The following SBNO1 variants were observed in gnomAD, a reference collection of about 807,000 sequenced individuals.
SBNO1 encodes the protein strawberry notch homolog 1.
A neutral mutation model predicts 173.6 loss-of-function variants in SBNO1; 23 were observed. The observed-to-expected ratio is 0.13, with a 90% CI of 0.10 to 0.19. The LOEUF (loss-of-function observed/expected upper bound fraction) is 0.19. SBNO1 is among the 10% of genes least tolerant of loss of function. The pLI is 1.00. For synonymous variants in SBNO1, 632 were observed against 571.5 expected, an observed-to-expected ratio of 1.11 and a Z score of -1.51; for missense variants, 1,238 against 1,671.2, an observed-to-expected ratio of 0.74 and a Z score of 4.52.
chr12:123,326,423 A>C, intron 13 of SBNO1, 89 bp from the exon 14 acceptor site: 1 of 705,050 alleles, frequency 1.4e-6, no homozygotes, highest in Non-Finnish European at 2.2e-6. Flanking sequence ...TGTTAAGTGC[A>C]AGACCATTTA....
intron 23 of SBNO1, among the ~76,000 whole-genome samples, chr12:123,314,145 C>T (rs1360179266): frequency 1.3e-5 from 2 of 151,994 alleles, no homozygotes; most frequent in African/African-American, 4.8e-5. Context: ...AAGCAATTCT[C>T]AATTATCTTT....
chr12:123,338,996 TAAA>T (rs1388742683), intron 5 of SBNO1, among the ~76,000 whole-genome samples: 1 of 147,582 alleles, frequency 6.8e-6, no homozygotes, highest in South Asian at 2.1e-4. Flanking sequence ...GCTAAGCCAA[TAAA>T]AAACTTTTGG....
chr12:123,344,424 G>A (rs557015192), intron 4 of SBNO1, among the ~76,000 whole-genome samples: 1 of 152,308 alleles, frequency 6.6e-6, no homozygotes, highest in South Asian at 2.1e-4. Context: ...ACAGTGGTAT[G>A]GACCCAAACA....
rs145195535 is a variant in SBNO1, at chr12:123,334,014, G to A, written c.909+39C>T. 5.1e-6 allele frequency: 7 copies of A among 1,374,756 alleles called. No individual in the cohort carries two copies. In the East Asian group the frequency reaches 1.3e-4, roughly 26 times the overall value. 85.2% of individuals were successfully genotyped at this position (1,374,756 alleles called of 1,614,324 possible). A position where few individuals can be genotyped will look rare whatever the true frequency, so the allele number is the denominator to read the frequency against. Reference sequence around the variant, plus strand: ...GAAACAACTCTGTTATATAGAATAGGATAAAATAATTATTGTATTATGAAA... The same window carrying A: ...GAAACAACTCTGTTATATAGAATAGAATAAAATAATTATTGTATTATGAAA... On this transcript the variant is annotated intron_variant, in intron 7 of 31. Transcript: ENST00000602398.
chr12:123,302,048 C>T (rs1241264099), intron 30 of SBNO1, among the ~76,000 whole-genome samples: 3 of 151,560 alleles, frequency 2.0e-5, no homozygotes, highest in African/African-American at 7.3e-5. Flanking sequence ...TCAAACAATT[C>T]TGCCTCGGCC....
At chr12:123,331,995 G>A (rs1871271871) in intron 7 of SBNO1, among the ~76,000 whole-genome samples, 2 of 151,486 alleles carry the variant, frequency 1.3e-5, no homozygotes, top group Non-Finnish European at 2.9e-5. Context: ...GGGATTACAG[G>A]TATGCACCAC....
chr12:123,310,127 T>A (rs972258699), intron 25 of SBNO1, among the ~76,000 whole-genome samples: 13 of 152,224 alleles, frequency 8.5e-5, no homozygotes, highest in African/African-American at 3.1e-4. Context: ...ATAAGAAAGT[T>A]AGTTCTCCAA....
At chr12:123,355,317 C>T (rs1874325978) in intron 1 of SBNO1, among the ~76,000 whole-genome samples, 1 of 151,200 alleles carries the variant, frequency 6.6e-6, no homozygotes, top group East Asian at 1.9e-4. Flanking sequence ...CCATGCCCAG[C>T]TGAGACCCTG....
rs891324944 is a variant in SBNO1 at position 123,291,735 on chromosome 12, G to T, written c.*4173C>A. On this transcript the variant is annotated 3_prime_UTR_variant, in exon 32 of 32. Coordinates refer to ENST00000602398, the MANE Select transcript of SBNO1 (RefSeq NM_001167856.3). ...GCCCCATATGGGAAAGTCAAGAAAA[G>T]AATAAATAGAGCTGAAGGGAAGAGG... 4 of 134,406 alleles carry T rather than the reference G, an allele frequency of 3.0e-5. No homozygotes were observed. Among genetic ancestry groups the T allele is most frequent in the African/African-American group, 1.1e-4 (4 of 36,454 alleles). The allele number at this position is 134,406 out of a possible 1,614,324, so 8.3% of individuals were successfully genotyped here.
At chr12:123,325,770 G>A in intron 14 of SBNO1, among the ~76,000 whole-genome samples, 171 bp from the exon 15 acceptor site, 1 of 100,496 alleles carries the variant, frequency 1.0e-5, no homozygotes, top group Admixed American at 1.1e-4. Context: ...CAGGTTATTT[G>A]TCAAAAATTT....
intron 31 of SBNO1, 43 bp downstream of exon 31, chr12:123,297,935 G>T (rs376507815): frequency 4.4e-6 from 7 of 1,585,990 alleles, no homozygotes; most frequent in African/African-American, 1.4e-5. Context: ...AGTCGGATCC[G>T]ATTTTTTCCT....
chr12:123,357,076 T>C (rs758371246), intron 1 of SBNO1, among the ~76,000 whole-genome samples: 1 of 150,306 alleles, frequency 6.7e-6, no homozygotes, highest in Non-Finnish European at 1.5e-5. Context: ...CTGTGTGCAG[T>C]AGACACTTAA....
chr12:123,300,803 T>A (rs2048761410), intron 30 of SBNO1, among the ~76,000 whole-genome samples: 1 of 149,932 alleles, frequency 6.7e-6, no homozygotes. Flanking sequence ...CTACTAAAAA[T>A]ACAAAAATTA....
chr12:123,316,779 T>G (rs544671351), intron 21 of SBNO1, among the ~76,000 whole-genome samples: 72 of 149,034 alleles, frequency 4.8e-4, no homozygotes, highest in Admixed American at 3.2e-3. Flanking sequence ...CTCAGCTCAC[T>G]GCAGCCTGCG....
chr12:123,363,962 C>A, intron 1 of SBNO1: 1 of 985,520 alleles, frequency 1.0e-6, no homozygotes, highest in Non-Finnish European at 1.2e-6. Context: ...CCGGTATCCA[C>A]TGCTTTGGGG....
intron 1 of SBNO1, 89 bp downstream of exon 1, chr12:123,364,612 T>C (rs984352923): frequency 6.4e-6 from 6 of 943,908 alleles, no homozygotes; most frequent in Non-Finnish European, 7.4e-6. Flanking sequence ...CCCCCCAGCC[T>C]GGCCCCGCAC....
rs545384075 is a variant in SBNO1 at position 123,364,814 on chromosome 12, C to T, written c.-114G>A. ...GCGGCGGCAGCAGCGGCGTCCTGCT[C>T]TGCCTACCTCCCCGCCGCCATCTTG... On this transcript the variant is annotated 5_prime_UTR_variant, in exon 1 of 32. Transcript: ENST00000602398. The T allele has an allele frequency of 1.2e-4, 113 of 979,722 alleles. No homozygotes were observed. In the African/African-American group the frequency reaches 1.2e-3, roughly 10 times the overall value. 60.7% of individuals were successfully genotyped at this position (979,722 alleles called of 1,614,324 possible).
At chr12:123,343,944 A>G (rs761401849) in intron 4 of SBNO1, among the ~76,000 whole-genome samples, 3 of 152,174 alleles carry the variant, frequency 2.0e-5, no homozygotes, top group African/African-American at 4.8e-5. Flanking sequence ...TTTAAAAATC[A>G]CTACCTTAAA....
At chr12:123,320,221 G>A (rs1018901782) in intron 19 of SBNO1, among the ~76,000 whole-genome samples, 190 bp from the exon 20 acceptor site, 4 of 152,310 alleles carry the variant, frequency 2.6e-5, no homozygotes, top group East Asian at 1.9e-4. Context: ...CAAAAGATGC[G>A]TGATAAGTGC....
Sources: gnomAD v4.1 joint callset for allele counts (sites outside exome capture counted in the v4.1 genomes callset) on GRCh38, gnomAD v4.1.1 for gene constraint, MANE v1.5 for transcripts, NCBI Gene and HGNC (gene_info 2026-07-23, HGNC 2026-07-21) for gene names.